Variants in NEK5 observed in about 807,000 individuals in gnomAD.
The protein encoded by NEK5 is serine/threonine-protein kinase Nek5.
In NEK5, 88 loss-of-function variants were observed where a neutral mutation model predicts 109.2. The ratio of observed to expected loss-of-function variants is 0.81; its 90% confidence interval spans 0.68 to 0.96. The LOEUF (loss-of-function observed/expected upper bound fraction) is 0.96, where lower values mean the gene tolerates loss of function less well. Ranked by LOEUF, NEK5 falls within the 40% of genes least tolerant of loss-of-function variation. The probability of loss-of-function intolerance (pLI) is 0.00; values close to 1 mark genes in which losing one functional copy is unlikely to be tolerated. For synonymous variants in NEK5, 283 were observed against 299.9 expected (o/e 0.94, Z 0.58); for missense variants, 834 against 920.7 (o/e 0.91, Z 1.22).
At chr13:52,063,818 G>C (rs1954637807) in intron 21 of NEK5, among the ~76,000 whole-genome samples, 1 of 151,860 alleles carries the variant, frequency 6.6e-6, no homozygotes, top group Admixed American at 6.6e-5. Flanking sequence ...TCTGAGAAGT[G>C]AGGAGCCCCT....
rs1311708946 is a variant in NEK5 at position 52,034,876 on chromosome 13, T to C, written c.*2072A>G. ...CATTTACCATCCTTAAACATTCTTT[T>C]TTTTCTTTTTTTTTTTTTTTTTTGC... On this transcript the variant is annotated 3_prime_UTR_variant, in exon 24 of 24. Coordinates refer to ENST00000684899, the MANE Select transcript of NEK5 (RefSeq NM_001365552.1). 1 of 127,884 alleles carries C rather than the reference T, an allele frequency of 7.8e-6. No individual in the cohort carries two copies. The highest frequency in any genetic ancestry group is 1.7e-5 in the Non-Finnish European group (1 of 57,242). The allele number at this position is 127,884 out of a possible 1,614,324, so 7.9% of individuals were successfully genotyped here.
chr13:52,035,364 C>T lies in NEK5; in HGVS notation c.*1584G>A, dbSNP rs1954351088. 1 of 152,142 alleles carries T rather than the reference C, an allele frequency of 6.6e-6. No homozygotes were observed. The highest frequency in any genetic ancestry group is 6.5e-5 in the Admixed American group (1 of 15,268). The allele number at this position is 152,142 out of a possible 1,614,324, so 9.4% of individuals were successfully genotyped here. ...CAGACCTTAGAAATAATCTGACCCA[C>T]CTTACCTCATCTTTGTTTTCTCAGT... On this transcript the variant is annotated 3_prime_UTR_variant, in exon 24 of 24. Transcript: ENST00000684899.
intron 8 of NEK5, among the ~76,000 whole-genome samples, chr13:52,104,828 AATGT>A (rs1256637529): frequency 3.3e-5 from 5 of 152,206 alleles, no homozygotes; most frequent in Non-Finnish European, 5.9e-5. Context: ...GCTCAAAAAC[AATGT>A]ATGTATGATG....
At chr13:52,117,087 C>T (rs1045822446) in intron 4 of NEK5, among the ~76,000 whole-genome samples, 8 of 152,050 alleles carry the variant, frequency 5.3e-5, no homozygotes, top group African/African-American at 1.9e-4. Flanking sequence ...CCCGGCTAAA[C>T]GTTTTTGTAT....
intron 22 of NEK5, 48 bp downstream of exon 22, chr13:52,061,771 C>A (rs541439211): frequency 2.3e-6 from 2 of 887,064 alleles, no homozygotes; most frequent in South Asian, 1.0e-4. Context: ...CAAGTCTTGA[C>A]AAAATTCCTC....
At chr13:52,075,389 T>G (rs1009499660) in intron 19 of NEK5, among the ~76,000 whole-genome samples, 1 of 152,124 alleles carries the variant, frequency 6.6e-6, no homozygotes, top group African/African-American at 2.4e-5. Context: ...TACATAGGGA[T>G]AGAAAACCAA....
intron 17 of NEK5, 31 bp from the exon 18 acceptor site, chr13:52,076,174 C>A: frequency 8.2e-7 from 1 of 1,225,642 alleles, no homozygotes; most frequent in Non-Finnish European, 1.2e-6. Context: ...ACAATTCTCT[C>A]ACTGTATGTT....
At chr13:52,083,816 G>A (rs538377078) in intron 16 of NEK5, among the ~76,000 whole-genome samples, 4 of 152,038 alleles carry the variant, frequency 2.6e-5, no homozygotes, top group Admixed American at 6.5e-5. Flanking sequence ...GATTACAGGC[G>A]TGAGCTACCG....
chr13:52,052,747 A>C (rs1301690120), intron 22 of NEK5, among the ~76,000 whole-genome samples: 1 of 152,186 alleles, frequency 6.6e-6, no homozygotes, highest in Non-Finnish European at 1.5e-5. Context: ...AGCCACCAGA[A>C]ATTTTTAAGA....
chr13:52,107,041 G>A (rs143579488), intron 8 of NEK5, among the ~76,000 whole-genome samples: 73 of 152,188 alleles, frequency 4.8e-4, no homozygotes, highest in Non-Finnish European at 8.7e-4. Flanking sequence ...AGACTAAACA[G>A]TGCTTCAAAG....
chr13:52,104,607 G>T, intron 8 of NEK5, 55 bp from the exon 9 acceptor site: 1 of 1,242,956 alleles, frequency 8.0e-7, no homozygotes, highest in Non-Finnish European at 1.2e-6. Flanking sequence ...CTTAATAAAA[G>T]CTTTTATCCT....
chr13:52,051,260 A>AAAGG (rs1954503751), intron 22 of NEK5, among the ~76,000 whole-genome samples: 1 of 151,312 alleles, frequency 6.6e-6, no homozygotes, highest in African/African-American at 2.4e-5. Context: ...CTGGCCTTTT[A>AAAGG]GTTAGCTTAA....
intron 13 of NEK5, among the ~76,000 whole-genome samples, chr13:52,090,888 T>C (rs1486775344): frequency 6.6e-6 from 1 of 151,910 alleles, no homozygotes; most frequent in African/African-American, 2.4e-5. Context: ...TAACCAGGTG[T>C]CGTGGCAGGC....
chr13:52,127,543 A>T lies in NEK5; in HGVS notation c.-22-39T>A, dbSNP rs894733482. On this transcript the variant is annotated intron_variant, in intron 2 of 23. Coordinates refer to ENST00000684899, the MANE Select transcript of NEK5 (RefSeq NM_001365552.1). Reference sequence around the variant, plus strand: ...AATGTAAATTTATCACACACGTCTCATAAAGACTAACAAAGTCAGAAAACT... The same window carrying T: ...AATGTAAATTTATCACACACGTCTCTTAAAGACTAACAAAGTCAGAAAACT... 3 of 906,372 alleles carry T rather than the reference A, an allele frequency of 3.3e-6. No individual in the cohort carries two copies. In the African/African-American group the frequency reaches 5.0e-5, roughly 15 times the overall value. 56.1% of individuals were successfully genotyped at this position (906,372 alleles called of 1,614,324 possible).
At chr13:52,057,941 GT>G (rs1362238773) in intron 22 of NEK5, among the ~76,000 whole-genome samples, 3 of 152,054 alleles carry the variant, frequency 2.0e-5, no homozygotes, top group African/African-American at 7.2e-5. Context: ...AGTGTTGGAA[GT>G]TCTGGCCAGG....
At position 52,039,586 on chromosome 13, in the gene NEK5, T is replaced by G. The variant is rs538875581; in HGVS notation, c.2229-2368A>C. On this transcript the variant is annotated intron_variant, in intron 23 of 23. Coordinates refer to ENST00000684899, the MANE Select transcript of NEK5 (RefSeq NM_001365552.1). Reference sequence around the variant, plus strand: ...TAGAAAGTTCACAGCTGGAATTGATTTGCATATTGTTTTCTCATATTCTTT... The same window carrying G: ...TAGAAAGTTCACAGCTGGAATTGATGTGCATATTGTTTTCTCATATTCTTT... Among the ~76,000 whole-genome samples, 3 of 152,340 alleles carry G rather than the reference T, an allele frequency of 2.0e-5. No homozygotes were observed. In the South Asian group the frequency reaches 6.2e-4, roughly 32 times the overall value.
chr13:52,122,410 T>C (rs1162683139), intron 3 of NEK5, among the ~76,000 whole-genome samples: 1 of 152,158 alleles, frequency 6.6e-6, no homozygotes, highest in Non-Finnish European at 1.5e-5. Context: ...TTTTATTATA[T>C]AAAAATATTG....
intron 21 of NEK5, among the ~76,000 whole-genome samples, chr13:52,062,343 A>C (rs1954620263): frequency 6.6e-6 from 1 of 152,182 alleles, no homozygotes; most frequent in Non-Finnish European, 1.5e-5. Flanking sequence ...AGAACATAGG[A>C]AATAAGTAAT....
At chr13:52,124,418 T>A (rs1219030430) in intron 3 of NEK5, among the ~76,000 whole-genome samples, 1 of 141,526 alleles carries the variant, frequency 7.1e-6, no homozygotes, top group Non-Finnish European at 1.6e-5. Context: ...AAAGATTATA[T>A]TATTTTACAC....
Sources: allele counts gnomAD v4.1 joint callset (sites outside exome capture counted in the v4.1 genomes callset), GRCh38; gene constraint gnomAD v4.1.1; transcripts MANE v1.5; gene names NCBI Gene and HGNC (gene_info 2026-07-23, HGNC 2026-07-21).